Variants in PITPNC1 observed in about 807,000 individuals in gnomAD.
PITPNC1 encodes the protein cytoplasmic phosphatidylinositol transfer protein 1.
A neutral mutation model predicts 44.7 loss-of-function variants in PITPNC1; 18 were observed. The ratio of observed to expected loss-of-function variants is 0.40; its 90% CI spans 0.28 to 0.60. The LOEUF is 0.60. Ranked by LOEUF, PITPNC1 falls within the 20% of genes least tolerant of loss-of-function variation. PITPNC1 has a pLI of 0.39. For synonymous variants in PITPNC1, 141 were observed against 149.6 expected (o/e 0.94, Z 0.42); for missense variants, 290 against 418.4 (o/e 0.69, Z 2.68).
chr17:67,632,743 T>C (rs748548617), intron 6 of PITPNC1, among the ~76,000 whole-genome samples: 3 of 152,040 alleles, frequency 2.0e-5, no homozygotes, highest in Non-Finnish European at 4.4e-5. Context: ...AATTTTTGTA[T>C]TTTTAGTAGA....
intron 1 of PITPNC1, among the ~76,000 whole-genome samples, chr17:67,513,514 GT>G (rs2040219784): frequency 7.4e-6 from 1 of 135,282 alleles, no homozygotes; most frequent in African/African-American, 3.0e-5. Flanking sequence ...TATATATATA[GT>G]AAAAAATAAA....
intron 1 of PITPNC1, among the ~76,000 whole-genome samples, chr17:67,410,930 C>G (rs1382028375): frequency 1.3e-5 from 2 of 151,480 alleles, no homozygotes; most frequent in African/African-American, 4.8e-5. Flanking sequence ...TAAAAATACA[C>G]AAATTAGCCG....
At chr17:67,424,893 A>G (rs1232376380) in intron 1 of PITPNC1, among the ~76,000 whole-genome samples, 4 of 151,950 alleles carry the variant, frequency 2.6e-5, no homozygotes, top group Non-Finnish European at 5.9e-5. Context: ...GAAGATCCAC[A>G]AAAGAAGTGA....
intron 1 of PITPNC1, among the ~76,000 whole-genome samples, chr17:67,414,448 T>C (rs571010587): frequency 6.8e-6 from 1 of 145,986 alleles, no homozygotes; most frequent in African/African-American, 2.5e-5. Flanking sequence ...CACCCCCCCA[T>C]ATATACTGTA....
intron 7 of PITPNC1, among the ~76,000 whole-genome samples, chr17:67,674,863 T>G (rs1287838905): frequency 6.6e-6 from 1 of 151,872 alleles, no homozygotes; most frequent in African/African-American, 2.4e-5. Flanking sequence ...AATACAAAAA[T>G]TAGCCGGGCA....
intron 1 of PITPNC1, among the ~76,000 whole-genome samples, chr17:67,516,262 A>G (rs1472235160): frequency 1.3e-5 from 2 of 152,202 alleles, no homozygotes; most frequent in Non-Finnish European, 2.9e-5. Context: ...ATGTCAAACA[A>G]GTGGCCAAGG....
At chr17:67,479,986 A>G (rs2039681558) in intron 1 of PITPNC1, among the ~76,000 whole-genome samples, 1 of 152,244 alleles carries the variant, frequency 6.6e-6, no homozygotes, top group Non-Finnish European at 1.5e-5. Context: ...TATTATTTCC[A>G]AAAAAGTAAC....
chr17:67,511,097 A>G (rs1055653597), intron 1 of PITPNC1, among the ~76,000 whole-genome samples: 3 of 152,086 alleles, frequency 2.0e-5, no homozygotes, highest in South Asian at 2.1e-4. Flanking sequence ...CTCCTGCTAT[A>G]CCTACTGTTT....
intron 1 of PITPNC1, among the ~76,000 whole-genome samples, chr17:67,531,331 A>T (rs1385608446): frequency 6.6e-6 from 1 of 152,222 alleles, no homozygotes; most frequent in Non-Finnish European, 1.5e-5. Context: ...TCCTGCAAGC[A>T]CAGGTGCACA....
chr17:67,465,502 G>T (rs1411964461), intron 1 of PITPNC1, among the ~76,000 whole-genome samples: 1 of 152,162 alleles, frequency 6.6e-6, no homozygotes, highest in African/African-American at 2.4e-5. Context: ...TGCCAATGTT[G>T]AATTGTCCCC....
In PITPNC1 at chr17:67,647,463, G is replaced by GTTTTTTTTTTTTTT. The variant is rs1567757487; in HGVS notation, c.462+15225_462+15226insTTTTTTTTTTTTTT. Among the ~76,000 whole-genome samples, 6 of 90,610 alleles carry GTTTTTTTTTTTTTT rather than the reference G, an allele frequency of 6.6e-5. 1 individual carries two copies. The highest frequency in any genetic ancestry group is 3.0e-4 in the African/African-American group (6 of 19,946). 59.4% of individuals were successfully genotyped at this position (90,610 alleles called of 152,430 possible). On this transcript the variant is annotated intron_variant, in intron 6 of 8. Transcript: ENST00000581322. Reference sequence around the variant, plus strand: ...ACACCATCACACCCAGCTAATTTTGGGTTTTTTTTTTTTTTTTTTTTTTTT... The same window carrying GTTTTTTTTTTTTTT: ...ACACCATCACACCCAGCTAATTTTGGTTTTTTTTTTTTTTGTTTTTTTTTTTTTTTTTTTTTTTT...
At chr17:67,551,037 G>C (rs2040755696) in intron 2 of PITPNC1, among the ~76,000 whole-genome samples, 1 of 152,012 alleles carries the variant, frequency 6.6e-6, no homozygotes. Flanking sequence ...CTCCAGCCTG[G>C]GTGACAGAGC....
At chr17:67,441,539 A>G (rs1393326967) in intron 1 of PITPNC1, among the ~76,000 whole-genome samples, 2 of 152,212 alleles carry the variant, frequency 1.3e-5, no homozygotes, top group African/African-American at 2.4e-5. Flanking sequence ...ACTGGAAAGC[A>G]GCTCATTCAT....
chr17:67,565,638 G>T (rs60502874), intron 4 of PITPNC1, among the ~76,000 whole-genome samples: 2,858 of 2,864 alleles, frequency 1, 1,428 homozygotes, highest in Middle Eastern at 1. Flanking sequence ...TCCATGTTTT[G>T]CAGAGTGTGT....
At chr17:67,615,097 G>A (rs879872953) in intron 5 of PITPNC1, among the ~76,000 whole-genome samples, 5 of 152,226 alleles carry the variant, frequency 3.3e-5, no homozygotes, top group Non-Finnish European at 5.9e-5. Flanking sequence ...TCCTTCTGGA[G>A]TCTTCTGGGC....
chr17:67,545,779 G>A (rs866064458), intron 2 of PITPNC1, among the ~76,000 whole-genome samples: 7 of 152,038 alleles, frequency 4.6e-5, no homozygotes, highest in African/African-American at 1.7e-4. Flanking sequence ...ATACACAGAC[G>A]GAGAGACAGA....
At chr17:67,534,501 G>T (rs773015781) in intron 2 of PITPNC1, among the ~76,000 whole-genome samples, 13 of 151,936 alleles carry the variant, frequency 8.6e-5, no homozygotes, top group Non-Finnish European at 1.6e-4. Flanking sequence ...AGCTGGGCAT[G>T]GTGGTGCGCA....
rs1437625056 is a variant in PITPNC1 at position 67,694,125 on chromosome 17, A to C, written c.*1237A>C. 6.6e-6 allele frequency: 1 copy of C among 152,246 alleles called. No individual in the cohort carries two copies. Among genetic ancestry groups the C allele is most frequent in the African/African-American group, 2.4e-5 (1 of 41,460 alleles). The allele number at this position is 152,246 out of a possible 1,614,324, so 9.4% of individuals were successfully genotyped here. A position where few individuals can be genotyped will look rare whatever the true frequency, so the allele number is the denominator to read the frequency against. On this transcript the variant is annotated 3_prime_UTR_variant, in exon 9 of 9. Coordinates refer to ENST00000581322, the MANE Select transcript of PITPNC1 (RefSeq NM_012417.4). The stretch of plus-strand genomic sequence containing the variant: ...CAACTAGTGGTAATGCAAGATTAGA[A>C]TCAAGGTTGACAGGAGGCAAGGTCA...
At chr17:67,642,162 G>C (rs939029655) in intron 6 of PITPNC1, among the ~76,000 whole-genome samples, 1 of 152,206 alleles carries the variant, frequency 6.6e-6, no homozygotes, top group African/African-American at 2.4e-5. Context: ...GCATGGTCAA[G>C]GGTCAGTGAG....
Sources: gnomAD v4.1 joint callset for allele counts (sites outside exome capture counted in the v4.1 genomes callset) on GRCh38, gnomAD v4.1.1 for gene constraint, MANE v1.5 for transcripts, NCBI Gene and HGNC (gene_info 2026-07-23, HGNC 2026-07-21) for gene names.